Variants in RBFOX3 observed in about 807,000 individuals in gnomAD.
RBFOX3 encodes the protein RNA binding fox-1 homolog 3, also known as RNA binding protein fox-1 homolog 3.
In RBFOX3, 17 loss-of-function variants were observed where a neutral mutation model predicts 48.7. The observed-to-expected ratio is 0.35, with a 90% confidence interval of 0.24 to 0.52. RBFOX3 has a LOEUF of 0.52. RBFOX3 is among the 20% of genes least tolerant of loss of function. The probability of loss-of-function intolerance (pLI) is 0.94; values close to 1 mark genes in which losing one functional copy is unlikely to be tolerated. For missense variants in RBFOX3, 382 were observed against 497.5 expected, an observed-to-expected ratio of 0.77 and a Z score of 2.21; for synonymous variants, 212 against 209.5, an observed-to-expected ratio of 1.01 and a Z score of -0.10.
At chr17:79,398,496 G>A (rs1041231145) in intron 2 of RBFOX3, among the ~76,000 whole-genome samples, 4 of 152,190 alleles carry the variant, frequency 2.6e-5, no homozygotes, top group African/African-American at 7.2e-5. Flanking sequence ...TCCACCGAGA[G>A]TAATTTTACC....
In RBFOX3 at chr17:79,362,349, C is replaced by T. The variant is rs1057266562; in HGVS notation, c.-174-54525G>A. Among the ~76,000 whole-genome samples, 4 of 152,134 alleles carry T rather than the reference C, an allele frequency of 2.6e-5. No individual in the cohort carries two copies. Among genetic ancestry groups the T allele is most frequent in the Non-Finnish European group, 5.9e-5 (4 of 68,032 alleles). Reference sequence around the variant, plus strand: ...GGCTGAGATCCCCGGCCAGCGTCTGCGTAGGACGGTGGGAGAGGCTGAGTG... The same window carrying T: ...GGCTGAGATCCCCGGCCAGCGTCTGTGTAGGACGGTGGGAGAGGCTGAGTG... On this transcript the variant is annotated intron_variant, in intron 2 of 14. Coordinates refer to ENST00000693108, the MANE Select transcript of RBFOX3 (RefSeq NM_001350451.2). This position sits in a 1 kb window ranked among gnomAD's most constrained non-coding sequence, Gnocchi z 4.2.
In RBFOX3 at chr17:79,378,587, C is replaced by T. The variant is rs575228099; in HGVS notation, c.-174-70763G>A. On this transcript the variant is annotated intron_variant, in intron 2 of 14. Transcript: ENST00000693108. ...AGGGTTCGGATGGGTGGGCTGAGCC[C>T]GGGACAGAACCTCCCAGGTGCTGGG... is the stretch of plus-strand genomic sequence containing the variant. 6.6e-5 allele frequency among the ~76,000 whole-genome samples: 10 copies of T among 152,220 alleles called. No homozygotes were observed. In the South Asian group the frequency reaches 1.9e-3, roughly 28 times the overall value.
intron 1 of RBFOX3, among the ~76,000 whole-genome samples, chr17:79,506,148 C>T (rs1224623546): frequency 6.6e-6 from 1 of 152,240 alleles, no homozygotes; most frequent in Non-Finnish European, 1.5e-5. Flanking sequence ...ATTGATACCA[C>T]ATCCCTGTGG....
At chr17:79,541,674 GGCCTCAAGTCAGTTCTTCAGGCCCACC>G (rs1555790363) in intron 1 of RBFOX3, among the ~76,000 whole-genome samples, 2 of 152,188 alleles carry the variant, frequency 1.3e-5, no homozygotes, top group African/African-American at 4.8e-5. Context: ...CAAACCGCTA[GGCCTCAAGTCAGTTCTTCAGGCCCACC>G]CCGGCTCCTG....
At chr17:79,366,971 AG>A in intron 2 of RBFOX3, among the ~76,000 whole-genome samples, 1 of 152,284 alleles carries the variant, frequency 6.6e-6, no homozygotes, top group South Asian at 2.1e-4. Flanking sequence ...AGGTGGGCAA[AG>A]GGGTACAAAG....
intron 4 of RBFOX3, among the ~76,000 whole-genome samples, chr17:79,193,765 A>C (rs538272139): frequency 1.3e-5 from 2 of 152,320 alleles, no homozygotes; most frequent in South Asian, 2.1e-4. Context: ...GGAGAGGGTC[A>C]ATGGAGCCTT....
Position 79,203,209 on chromosome 17 carries a change from C to T in RBFOX3, c.-34+32557G>A, listed in dbSNP as rs576616764. Among the ~76,000 whole-genome samples the T allele has an allele frequency of 1.6e-3, 240 of 150,560 alleles. 1 individual carries two copies. Among genetic ancestry groups the T allele is most frequent in the African/African-American group, 5.4e-3 (219 of 40,756 alleles). On this transcript the variant is annotated intron_variant, in intron 4 of 14. Transcript: ENST00000693108. ...GGTGACAGATGGGGCTGTGACAACC[C>T]CTGGCCTGTGGGGGCACTGTGATTA... is the stretch of plus-strand genomic sequence containing the variant.
At chr17:79,127,845 G>A (rs117561300) in intron 4 of RBFOX3, among the ~76,000 whole-genome samples, 6 of 152,306 alleles carry the variant, frequency 3.9e-5, no homozygotes, top group Admixed American at 6.5e-5. Context: ...GATGAAAGGC[G>A]TCTCAGAGAA....
chr17:79,182,495 A>C (rs1423709596), intron 4 of RBFOX3, among the ~76,000 whole-genome samples: 1 of 152,110 alleles, frequency 6.6e-6, no homozygotes, highest in Non-Finnish European at 1.5e-5. Flanking sequence ...GACTGCACTA[A>C]TTCCGCATTG....
the RBFOX3 span, among the ~76,000 whole-genome samples, chr17:79,641,647 G>A: frequency 1.3e-5 from 2 of 152,194 alleles, no homozygotes; most frequent in Admixed American, 1.3e-4. Flanking sequence ...CCTGCCATTT[G>A]CAACAACACA....
At chr17:79,384,613 AC>A (rs1468087456) in intron 2 of RBFOX3, among the ~76,000 whole-genome samples, 1 of 152,110 alleles carries the variant, frequency 6.6e-6, no homozygotes, top group African/African-American at 2.4e-5. Flanking sequence ...CCTCAGGCCC[AC>A]CCAGGCCTGC....
At chr17:79,349,459 C>G (rs1000594056) in intron 2 of RBFOX3, among the ~76,000 whole-genome samples, 1 of 152,108 alleles carries the variant, frequency 6.6e-6, no homozygotes, top group Non-Finnish European at 1.5e-5. Flanking sequence ...ACCTTCTCCT[C>G]CTTCTCCCAA....
chr17:79,313,850 G>A (rs1453090711), intron 2 of RBFOX3, among the ~76,000 whole-genome samples: 1 of 152,186 alleles, frequency 6.6e-6, no homozygotes, highest in Non-Finnish European at 1.5e-5. Context: ...CAAGACAAGA[G>A]GCTCCCCTGC....
intron 2 of RBFOX3, among the ~76,000 whole-genome samples, chr17:79,352,239 A>G (rs2084084927): frequency 6.6e-6 from 1 of 152,176 alleles, no homozygotes; most frequent in Non-Finnish European, 1.5e-5. Flanking sequence ...TTAATGTTTC[A>G]GCACCAACCC....
At chr17:79,381,717 CCT>C (rs2059952922) in intron 2 of RBFOX3, among the ~76,000 whole-genome samples, 1 of 152,204 alleles carries the variant, frequency 6.6e-6, no homozygotes, top group East Asian at 1.9e-4. Flanking sequence ...GGGAATCACC[CCT>C]CTTTTCCCAT....
chr17:79,161,004 A>T (rs1225262924), intron 4 of RBFOX3, among the ~76,000 whole-genome samples: 1 of 151,630 alleles, frequency 6.6e-6, no homozygotes, highest in African/African-American at 2.4e-5. Flanking sequence ...AAAACAAAAA[A>T]GTCTCGTGGG....
intron 3 of RBFOX3, among the ~76,000 whole-genome samples, chr17:79,301,351 C>A (rs552964365): frequency 8.5e-5 from 13 of 152,240 alleles, no homozygotes; most frequent in Non-Finnish European, 1.6e-4. Context: ...TAATAGAACA[C>A]AAAGTCTCCC....
chr17:79,168,951 C>G (rs2048580249), intron 4 of RBFOX3, among the ~76,000 whole-genome samples: 1 of 152,214 alleles, frequency 6.6e-6, no homozygotes, highest in African/African-American at 2.4e-5. Flanking sequence ...GCCGTGGCCC[C>G]AGACACACAG....
intron 2 of RBFOX3, among the ~76,000 whole-genome samples, chr17:79,436,798 A>T (rs1466456528): frequency 6.6e-6 from 1 of 152,138 alleles, no homozygotes; most frequent in Non-Finnish European, 1.5e-5. Flanking sequence ...TCTATGCAGG[A>T]TCCAAGGCCC....
Sources: gnomAD v4.1 joint callset for allele counts (sites outside exome capture counted in the v4.1 genomes callset) on GRCh38, gnomAD v4.1.1 for gene constraint, Gnocchi (gnomAD v3.1) non-coding constraint, MANE v1.5 for transcripts, NCBI Gene and HGNC (gene_info 2026-07-23, HGNC 2026-07-21) for gene names.